The following ODAD3 variants were observed in gnomAD, a reference collection of about 807,000 sequenced individuals.
The protein encoded by ODAD3 is outer dynein arm-docking complex subunit 3.
A neutral mutation model predicts 70.9 loss-of-function variants in ODAD3; 57 were observed. The observed-to-expected ratio is 0.80, with a 90% CI of 0.65 to 1.00. The LOEUF (loss-of-function observed/expected upper bound fraction) is 1.00, where lower values mean the gene tolerates loss of function less well. Ranked by LOEUF, ODAD3 falls within the 50% of genes least tolerant of loss-of-function variation. ODAD3 has a pLI of 0.00. For synonymous variants in ODAD3, 327 were observed against 315.9 expected (o/e 1.04, Z -0.37); for missense variants, 797 against 763.9 (o/e 1.04, Z -0.51).
Position 11,426,690 on chromosome 19 carries a change from T to C in ODAD3, c.707A>G (p.Tyr236Cys), listed in dbSNP as rs200305902. ...ITSVYLQLKA[Y>C]LMDESLNLEN... Reference sequence around the variant, plus strand: ...AGCCCTCCTAGTCCCTACCATTAGATAGGCCTTGAGCTGCAGGTACACGCT... The same window carrying C: ...AGCCCTCCTAGTCCCTACCATTAGACAGGCCTTGAGCTGCAGGTACACGCT... Residue 236 changes from tyrosine (Y) to cysteine (C), a missense_variant, in exon 5 of 13, where the codon TAT (tyrosine) becomes TGT (cysteine). Physicochemically the swap from Tyr to Cys is radical, Grantham distance 194. Transcript: ENST00000356392. 1.7e-4 allele frequency: 282 copies of C among 1,613,828 alleles called. No homozygotes were observed. Among genetic ancestry groups the C allele is most frequent in the Non-Finnish European group, 2.0e-4 (241 of 1,179,910 alleles).
intron 1 of ODAD3, among the ~76,000 whole-genome samples, chr19:11,433,075 T>A (rs1180142632): frequency 1.3e-5 from 2 of 152,126 alleles, no homozygotes; most frequent in Non-Finnish European, 2.9e-5. Flanking sequence ...ATTACAGGTG[T>A]GAGCCACCTC....
At position 11,420,813 on chromosome 19, in the gene ODAD3, C is replaced by T. The variant is rs1969112516; in HGVS notation, c.*22G>A. ...GGATCGGGGGCTCCGAAGGGGGCCG[C>T]CTGGTGGGTGTCAGGACGAGTCTAG... is the stretch of plus-strand genomic sequence containing the variant. On this transcript the variant is annotated 3_prime_UTR_variant, in exon 13 of 13. Coordinates refer to ENST00000356392, the MANE Select transcript of ODAD3 (RefSeq NM_145045.5). 1 of 1,602,098 alleles carries T rather than the reference C, an allele frequency of 6.2e-7. No individual in the cohort carries two copies. The highest frequency in any genetic ancestry group is 1.1e-5 in the South Asian group (1 of 90,874).
At chr19:11,428,865 A>T (rs200070717) in intron 3 of ODAD3, among the ~76,000 whole-genome samples, 121 of 117,946 alleles carry the variant, frequency 1.0e-3, no homozygotes, top group Non-Finnish European at 1.5e-3. Context: ...TTTATTTTTT[A>T]TTTATTTATT....
chr19:11,421,645 C>A (rs775489013), intron 11 of ODAD3, 32 bp downstream of exon 11: 1 of 1,598,526 alleles, frequency 6.3e-7, no homozygotes, highest in Non-Finnish European at 8.5e-7. Flanking sequence ...ACTCCTAGAT[C>A]TCTGGAGCTC....
intron 3 of ODAD3, among the ~76,000 whole-genome samples, chr19:11,429,612 C>T (rs906740789): frequency 1.3e-5 from 2 of 151,758 alleles, no homozygotes; most frequent in African/African-American, 4.8e-5. Context: ...GTTTCACCAT[C>T]TTGGCCAGGC....
chr19:11,426,149 G>A lies in ODAD3; in HGVS notation c.958C>T (p.Arg320Cys), dbSNP rs775771507. 3 of 1,608,812 alleles carry A rather than the reference G, an allele frequency of 1.9e-6. No individual in the cohort carries two copies. Among genetic ancestry groups the A allele is most frequent in the Admixed American group, 1.7e-5 (1 of 59,468 alleles). ...GCACCCCTGGGTGCGCCCACCTTGC[G>A]CTCCATGCGCTCGTTCTCCAGTTTC... is the stretch of plus-strand genomic sequence containing the variant. Reference protein sequence around the residue: ...EKKLENERMERKTHREHLLLQ... With the variant: ...EKKLENERMECKTHREHLLLQ... The change falls in exon 7 of 13, where the codon CGC becomes TGC. Residue 320 changes from arginine to cysteine, a missense_variant. Arg to Cys is a radical substitution (Grantham distance 180). Transcript: ENST00000356392.
intron 3 of ODAD3, among the ~76,000 whole-genome samples, chr19:11,427,455 T>C (rs1175964113): frequency 3.3e-4 from 48 of 144,064 alleles, no homozygotes; most frequent in Non-Finnish European, 6.5e-4. Flanking sequence ...CCACCACGCC[T>C]GGCTAATTTT....
intron 7 of ODAD3, among the ~76,000 whole-genome samples, chr19:11,425,650 C>CGT (rs1969349213): frequency 1.6e-5 from 2 of 123,600 alleles, no homozygotes; most frequent in African/African-American, 4.3e-5. Context: ...TATGTATATA[C>CGT]GTATATATAT....
chr19:11,428,404 G>A (rs1023093865), intron 3 of ODAD3, among the ~76,000 whole-genome samples: 5 of 151,992 alleles, frequency 3.3e-5, no homozygotes, highest in Admixed American at 3.3e-4. Flanking sequence ...ACGACGCCTG[G>A]GTACGTTTTT....
chr19:11,421,878 T>G, intron 10 of ODAD3, 46 bp from the exon 11 acceptor site: 5 of 1,572,764 alleles, frequency 3.2e-6, no homozygotes, highest in Non-Finnish European at 4.3e-6. Flanking sequence ...GTGGGGCCTC[T>G]TGGAAGGCTC....
At chr19:11,435,218 T>A, upstream of ODAD3, 1 of 1,411,124 alleles carries the variant, frequency 7.1e-7, no homozygotes, top group Non-Finnish European at 9.2e-7. Context: ...ATCACCCGCG[T>A]TCCGTGGCTG....
At position 11,425,293 on chromosome 19, in the gene ODAD3, GTA is replaced by G. The variant is rs375672257; in HGVS notation, c.963+849_963+850del. Among the ~76,000 whole-genome samples the G allele has an allele frequency of 2.6e-4, 36 of 138,374 alleles. 6 individuals are homozygous for G. Among genetic ancestry groups the G allele is most frequent in the Non-Finnish European group, 3.5e-4 (23 of 66,372 alleles). 90.8% of individuals were successfully genotyped at this position (138,374 alleles called of 152,430 possible). ...TATATGTGTGTATATGTACATATGT[GTA>G]TATATGTGTATGTGTACATATGTGT... is the stretch of plus-strand genomic sequence containing the variant. On this transcript the variant is annotated intron_variant, in intron 7 of 12. Coordinates refer to ENST00000356392, the MANE Select transcript of ODAD3 (RefSeq NM_145045.5).
At chr19:11,427,871 C>A (rs1313843383) in intron 3 of ODAD3, among the ~76,000 whole-genome samples, 5 of 151,788 alleles carry the variant, frequency 3.3e-5, no homozygotes, top group African/African-American at 1.2e-4. Context: ...GAGGCCAAGG[C>A]GGGTGGATCA....
chr19:11,424,507 A>G (rs11882829), intron 7 of ODAD3, among the ~76,000 whole-genome samples: 1,831 of 139,400 alleles, frequency 0.013, 103 homozygotes, highest in African/African-American at 0.052. Flanking sequence ...ATATATATGT[A>G]TATATGTATA....
chr19:11,426,299 C>G, intron 6 of ODAD3, 33 bp from the exon 7 acceptor site: 1 of 1,611,940 alleles, frequency 6.2e-7, no homozygotes, highest in East Asian at 2.2e-5. Flanking sequence ...GGGAGACCAG[C>G]TGGCACCTAC....
At chr19:11,430,591 G>A in intron 3 of ODAD3, 108 bp downstream of exon 3, 1 of 992,618 alleles carries the variant, frequency 1.0e-6, no homozygotes, top group Non-Finnish European at 1.6e-6. Context: ...ATGAGCACAT[G>A]AATGGCAGCT....
intron 8 of ODAD3, 74 bp downstream of exon 8, chr19:11,423,803 C>A (rs1212063647): frequency 1.4e-6 from 2 of 1,480,728 alleles, no homozygotes; most frequent in Non-Finnish European, 9.1e-7. Context: ...GTCGGTTTCA[C>A]CGGCTTAGGC....
Position 11,430,753 on chromosome 19 carries a change from T to C in ODAD3, c.390A>G (p.Ala130=), listed in dbSNP as rs1410957934. The C allele has an allele frequency of 1.2e-6, 2 of 1,613,950 alleles. No homozygotes were observed. The highest frequency in any genetic ancestry group is 2.7e-5 in the African/African-American group (2 of 74,874). ...TCTCCCACTTCCATTCGCGAATCACTGCCTGGACCACTTTCTCATCTCCCT... is the reference window on the plus strand; with the variant it reads ...TCTCCCACTTCCATTCGCGAATCACCGCCTGGACCACTTTCTCATCTCCCT... ...LLKGDEKVVQ[A]VIREWKWEKP... The change falls in exon 3 of 13, where the codon GCA becomes GCG. Residue 130 remains alanine, a synonymous_variant. Transcript: ENST00000356392.
At position 11,426,999 on chromosome 19, in the gene ODAD3, C is replaced by A; in HGVS notation, c.486G>T (p.Lys162Asn). Residue 162 changes from lysine (K) to asparagine (N), a missense_variant, in exon 4 of 13, where the codon AAG (lysine) becomes AAT (asparagine). Physicochemically the swap from Lys to Asn is moderately conservative, Grantham distance 94. Transcript: ENST00000356392. ...CCTGGTGCCGCAGGGCGTTCTGCTGCTTCACCTTCTCCCTCAGCCGGTGGT... is the reference window on the plus strand; with the variant it reads ...CCTGGTGCCGCAGGGCGTTCTGCTGATTCACCTTCTCCCTCAGCCGGTGGT... ...HLDHRLREKV[K>N]QQNALRHQVV... is the part of the protein sequence containing the mutation. 1 of 1,603,292 alleles carries A rather than the reference C, an allele frequency of 6.2e-7. No individual in the cohort carries two copies.
Sources: gnomAD v4.1 joint callset for allele counts (sites outside exome capture counted in the v4.1 genomes callset) on GRCh38, gnomAD v4.1.1 for gene constraint, MANE v1.5 for transcripts, NCBI Gene and HGNC (gene_info 2026-07-23, HGNC 2026-07-21) for gene names.